The following GRID2 variants were observed in gnomAD, a reference collection of about 807,000 sequenced individuals.
The protein encoded by GRID2 is glutamate receptor ionotropic, delta-2.
A neutral mutation model predicts 114.8 loss-of-function variants in GRID2; 33 were observed. The ratio of observed to expected loss-of-function variants is 0.29; its 90% confidence interval spans 0.22 to 0.38. The LOEUF is 0.38. Ranked by LOEUF, GRID2 falls within the 10% of genes least tolerant of loss-of-function variation. The pLI is 1.00. For missense variants in GRID2, 1,184 were observed against 1,257.7 expected (o/e 0.94, Z 0.89); for synonymous variants, 505 against 449.9 (o/e 1.12, Z -1.55).
intron 13 of GRID2, among the ~76,000 whole-genome samples, chr4:93,579,581 A>G (rs189891619): frequency 1.2e-3 from 186 of 152,262 alleles, no homozygotes; most frequent in Non-Finnish European, 2.1e-3. Context: ...AATGGGAAGT[A>G]TGATAGAGGG....
chr4:93,703,711 G>A (rs1183764809), intron 14 of GRID2, among the ~76,000 whole-genome samples: 1 of 134,968 alleles, frequency 7.4e-6, no homozygotes, highest in East Asian at 2.2e-4. Context: ...TGTTCTCATT[G>A]TTCAATTCCC....
chr4:92,754,760 C>T (rs1020690535), intron 2 of GRID2, among the ~76,000 whole-genome samples: 15 of 151,896 alleles, frequency 9.9e-5, no homozygotes, highest in Admixed American at 3.9e-4. Flanking sequence ...TCCAACTTTC[C>T]GGACAAATTC....
chr4:93,092,378 G>T (rs1730866220), intron 3 of GRID2, among the ~76,000 whole-genome samples: 1 of 152,056 alleles, frequency 6.6e-6, no homozygotes, highest in Non-Finnish European at 1.5e-5. Flanking sequence ...ACACTTTCAG[G>T]CAGTCCTAAG....
chr4:92,848,217 G>A (rs1743484852), intron 2 of GRID2, among the ~76,000 whole-genome samples: 1 of 137,064 alleles, frequency 7.3e-6, no homozygotes, highest in African/African-American at 2.6e-5. Flanking sequence ...CACATTCAGG[G>A]ATTTTTTTTT....
At chr4:92,828,715 T>C (rs1741900516) in intron 2 of GRID2, among the ~76,000 whole-genome samples, 2 of 152,138 alleles carry the variant, frequency 1.3e-5, no homozygotes, top group African/African-American at 2.4e-5. Context: ...TTTGGTAATG[T>C]TAATCAACAC....
At chr4:92,919,396 T>C (rs1360014426) in intron 2 of GRID2, among the ~76,000 whole-genome samples, 1 of 152,240 alleles carries the variant, frequency 6.6e-6, no homozygotes, top group Non-Finnish European at 1.5e-5. Flanking sequence ...TTCTGCTAAC[T>C]TTTGAATGTG....
At chr4:93,336,514 A>G (rs1759106029) in intron 8 of GRID2, among the ~76,000 whole-genome samples, 1 of 152,172 alleles carries the variant, frequency 6.6e-6, no homozygotes, top group African/African-American at 2.4e-5. Context: ...ACATCATGGT[A>G]TATATGCTCT....
At chr4:92,425,307 C>A (rs1276119504) in intron 1 of GRID2, among the ~76,000 whole-genome samples, 1 of 151,962 alleles carries the variant, frequency 6.6e-6, no homozygotes, top group African/African-American at 2.4e-5. Flanking sequence ...AGGAACAGCT[C>A]ATACTACATT....
intron 2 of GRID2, among the ~76,000 whole-genome samples, chr4:92,922,165 C>A (rs546507210): frequency 6.6e-6 from 1 of 152,182 alleles, no homozygotes; most frequent in Admixed American, 6.5e-5. Flanking sequence ...GATATAATCT[C>A]GTGGTGTGCC....
rs1491587225 is a variant in GRID2 at position 93,286,691 on chromosome 4, G to GT, written c.1245+48201_1245+48202insT. Among the ~76,000 whole-genome samples the GT allele has an allele frequency of 8.7e-3, 1,209 of 139,114 alleles. 21 individuals carry two copies. The highest frequency in any genetic ancestry group is 0.037 in the African/African-American group (1,157 of 30,858). The allele number at this position is 139,114 out of a possible 152,430, so 91.3% of individuals were successfully genotyped here. The stretch of plus-strand genomic sequence containing the variant: ...AGCTTTTGTGTATGTGTGTGTGTGT[G>GT]GGGGTGTGTGTGTGTGTGTGTGTGT... On this transcript the variant is annotated intron_variant, in intron 8 of 15. Transcript: ENST00000282020.
At chr4:93,322,034 A>ATTTCTTTTTT (rs141617146) in intron 8 of GRID2, among the ~76,000 whole-genome samples, 29,893 of 147,816 alleles carry the variant, frequency 0.2, 3,550 homozygotes, top group African/African-American at 0.35. Context: ...ATTTTTTCTT[A>ATTTCTTTTTT]TTTCTTTTTT....
intron 8 of GRID2, among the ~76,000 whole-genome samples, chr4:93,285,932 T>C (rs1753109653): frequency 6.6e-6 from 1 of 152,052 alleles, no homozygotes; most frequent in African/African-American, 2.4e-5. Context: ...AAAGTGATTT[T>C]TAGTCTACTT....
intron 8 of GRID2, among the ~76,000 whole-genome samples, chr4:93,241,802 TAA>T (rs78539388): frequency 1.9e-4 from 25 of 130,840 alleles, no homozygotes; most frequent in African/African-American, 3.6e-4. Flanking sequence ...AGTAGAAAAG[TAA>T]AAAAAAAAAA....
chr4:92,913,110 TCTTGA>T (rs753110530), intron 2 of GRID2, among the ~76,000 whole-genome samples: 25 of 151,864 alleles, frequency 1.6e-4, no homozygotes, highest in Non-Finnish European at 3.1e-4. Context: ...AAAATATGAA[TCTTGA>T]CTTTAAAATT....
At chr4:93,679,291 A>T (rs1304863005) in intron 14 of GRID2, among the ~76,000 whole-genome samples, 1 of 151,076 alleles carries the variant, frequency 6.6e-6, no homozygotes, top group Non-Finnish European at 1.5e-5. Flanking sequence ...GTCCTTAGTG[A>T]CCTACAAAGA....
At position 92,662,273 on chromosome 4, in the gene GRID2, C is replaced by A. The variant is rs751035453; in HGVS notation, c.244+71987C>A. On this transcript the variant is annotated intron_variant, in intron 2 of 15. Transcript: ENST00000282020. ...ATTGAATCTTATACATTGCTATTAA[C>A]GGGCCTCTAAGTAGAAGGAAGCATA... Among the ~76,000 whole-genome samples the A allele has an allele frequency of 1.5e-4, 22 of 150,986 alleles. No individual in the cohort carries two copies. The South Asian group carries it at 2.5e-3, about 17-fold the overall frequency.
At chr4:93,590,447 G>C (rs1204791986) in intron 13 of GRID2, among the ~76,000 whole-genome samples, 1 of 149,064 alleles carries the variant, frequency 6.7e-6, no homozygotes. Flanking sequence ...ATGCTGTTTT[G>C]GTTACTGTAG....
chr4:93,649,823 C>T (rs1177250117), intron 14 of GRID2, among the ~76,000 whole-genome samples: 1 of 152,142 alleles, frequency 6.6e-6, no homozygotes, highest in Non-Finnish European at 1.5e-5. Flanking sequence ...TGTCGCATAA[C>T]TTTATAACTC....
intron 1 of GRID2, among the ~76,000 whole-genome samples, chr4:92,344,408 A>G (rs1727662989): frequency 6.6e-6 from 1 of 152,184 alleles, no homozygotes; most frequent in South Asian, 2.1e-4. Context: ...TTGCATCATT[A>G]TATTTCCCTT....
Sources: allele counts gnomAD v4.1 joint callset (sites outside exome capture counted in the v4.1 genomes callset), GRCh38; gene constraint gnomAD v4.1.1; transcripts MANE v1.5; gene names NCBI Gene and HGNC (gene_info 2026-07-23, HGNC 2026-07-21).